Variants in CTNNA3 observed in about 807,000 individuals in gnomAD.
The protein encoded by CTNNA3 is catenin alpha-3.
Under a neutral mutation model 95.7 loss-of-function variants are expected in CTNNA3, and 76 were observed. The ratio of observed to expected loss-of-function variants is 0.79; its 90% CI spans 0.66 to 0.96. The LOEUF is 0.96. Among genes scored for constraint, CTNNA3 ranks in the 40% least tolerant of loss-of-function variants. The pLI, the probability that CTNNA3 is intolerant of heterozygous loss-of-function variation, is 0.00. For synonymous variants in CTNNA3, 431 were observed against 374.4 expected, an observed-to-expected ratio of 1.15 and a Z score of -1.74; for missense variants, 1,191 against 1,089.8, an observed-to-expected ratio of 1.09 and a Z score of -1.31.
intron 13 of CTNNA3, among the ~76,000 whole-genome samples, chr10:66,214,475 A>G (rs761284791): frequency 2.8e-4 from 42 of 152,190 alleles, no homozygotes; most frequent in Non-Finnish European, 5.0e-4. Flanking sequence ...TTACTTCATT[A>G]TATATAGATA....
chr10:66,447,877 G>T (rs1286570732), intron 11 of CTNNA3, among the ~76,000 whole-genome samples: 1 of 152,156 alleles, frequency 6.6e-6, no homozygotes, highest in Non-Finnish European at 1.5e-5. Flanking sequence ...GCTACCATCA[G>T]AGTGAACAGG....
At chr10:67,728,029 A>G (rs1184971651) in intron 1 of CTNNA3, among the ~76,000 whole-genome samples, 1 of 141,352 alleles carries the variant, frequency 7.1e-6, no homozygotes, top group Non-Finnish European at 1.5e-5. Flanking sequence ...TATATTATAT[A>G]TGATATATAA....
chr10:67,566,031 ATATGTG>A (rs1263422160), intron 3 of CTNNA3, among the ~76,000 whole-genome samples: 1 of 58,236 alleles, frequency 1.7e-5, no homozygotes, highest in African/African-American at 1.1e-4. Flanking sequence ...ACACACACAC[ATATGTG>A]TGTGTGTATA....
intron 7 of CTNNA3, among the ~76,000 whole-genome samples, chr10:67,028,436 C>T (rs1263571382): frequency 6.6e-6 from 1 of 151,586 alleles, no homozygotes; most frequent in Non-Finnish European, 1.5e-5. Flanking sequence ...GTTTGACAAT[C>T]AGTCTTTATT....
intron 5 of CTNNA3, among the ~76,000 whole-genome samples, chr10:67,362,543 C>G (rs1005307406): frequency 6.6e-6 from 1 of 152,042 alleles, no homozygotes; most frequent in Non-Finnish European, 1.5e-5. Context: ...TTAATAGATG[C>G]AAAAGAAGAT....
chr10:67,503,015 T>C (rs534764909), intron 5 of CTNNA3, among the ~76,000 whole-genome samples: 1 of 152,268 alleles, frequency 6.6e-6, no homozygotes, highest in South Asian at 2.1e-4. Context: ...CACTGGGGTA[T>C]GAAACAAAAT....
At chr10:67,237,429 G>A (rs369127305) in intron 5 of CTNNA3, among the ~76,000 whole-genome samples, 12 of 151,384 alleles carry the variant, frequency 7.9e-5, no homozygotes, top group East Asian at 5.9e-4. Context: ...TAAATATGGC[G>A]CAGTGTATAC....
chr10:66,044,270 CA>C (rs2079772579), intron 15 of CTNNA3, among the ~76,000 whole-genome samples: 1 of 152,188 alleles, frequency 6.6e-6, no homozygotes, highest in Non-Finnish European at 1.5e-5. Flanking sequence ...GGATTACAGG[CA>C]TGAGCCACTG....
At chr10:66,737,873 A>G (rs1278777201) in intron 9 of CTNNA3, among the ~76,000 whole-genome samples, 1 of 152,014 alleles carries the variant, frequency 6.6e-6, no homozygotes, top group Non-Finnish European at 1.5e-5. Flanking sequence ...TGGCCAGGAT[A>G]GTCTCGATCT....
intron 11 of CTNNA3, among the ~76,000 whole-genome samples, chr10:66,472,613 T>C (rs1839177513): frequency 6.6e-6 from 1 of 152,026 alleles, no homozygotes; most frequent in African/African-American, 2.4e-5. Context: ...ATAACAAAAT[T>C]GAGATAAAGT....
At chr10:67,207,214 ATTT>A in intron 6 of CTNNA3, among the ~76,000 whole-genome samples, 1 of 152,228 alleles carries the variant, frequency 6.6e-6, no homozygotes, top group East Asian at 1.9e-4. Context: ...GACAGATATA[ATTT>A]TTTAGTCATT....
chr10:66,650,680 G>A (rs1373961687), intron 9 of CTNNA3, among the ~76,000 whole-genome samples: 1 of 152,172 alleles, frequency 6.6e-6, no homozygotes, highest in Non-Finnish European at 1.5e-5. Flanking sequence ...GCTGGCTTCA[G>A]GAATGAAGCT....
At chr10:67,201,105 C>T (rs1338948213) in intron 6 of CTNNA3, among the ~76,000 whole-genome samples, 1 of 152,166 alleles carries the variant, frequency 6.6e-6, no homozygotes. Flanking sequence ...ACTGACTCAA[C>T]ACTCACATGA....
chr10:67,640,330 A>G (rs562591284), intron 2 of CTNNA3, among the ~76,000 whole-genome samples: 1 of 152,338 alleles, frequency 6.6e-6, no homozygotes, highest in Non-Finnish European at 1.5e-5. Context: ...GAGAACTACA[A>G]ACCACTGCTC....
At chr10:67,698,755 A>G (rs1410821867), upstream of CTNNA3, among the ~76,000 whole-genome samples, 3 of 152,058 alleles carry the variant, frequency 2.0e-5, no homozygotes, top group African/African-American at 7.2e-5. Flanking sequence ...TTTTTCAAAA[A>G]TATGTGATAA....
At chr10:66,059,845 C>T (rs2080159862) in intron 15 of CTNNA3, among the ~76,000 whole-genome samples, 1 of 152,060 alleles carries the variant, frequency 6.6e-6, no homozygotes, top group Non-Finnish European at 1.5e-5. Context: ...AGGGATGTCA[C>T]TTTGGCATAT....
intron 5 of CTNNA3, among the ~76,000 whole-genome samples, chr10:67,366,209 G>C (rs942693267): frequency 1.3e-5 from 2 of 152,122 alleles, no homozygotes; most frequent in Non-Finnish European, 2.9e-5. Context: ...GGCCTGTCGG[G>C]GGTTGGGGGG....
At chr10:66,772,999 G>C (rs1035666760) in intron 8 of CTNNA3, among the ~76,000 whole-genome samples, 5 of 152,222 alleles carry the variant, frequency 3.3e-5, no homozygotes, top group African/African-American at 1.2e-4. Flanking sequence ...TATGTGAGAT[G>C]CTTACAACAA....
intron 3 of CTNNA3, among the ~76,000 whole-genome samples, chr10:67,591,838 C>A (rs1470940890): frequency 6.6e-6 from 1 of 152,046 alleles, no homozygotes; most frequent in Admixed American, 6.6e-5. Flanking sequence ...GTGCTATAAA[C>A]CCCTAGCAGG....
Sources: gnomAD v4.1 joint callset for allele counts (sites outside exome capture counted in the v4.1 genomes callset) on GRCh38, gnomAD v4.1.1 for gene constraint, MANE v1.5 for transcripts, NCBI Gene and HGNC (gene_info 2026-07-23, HGNC 2026-07-21) for gene names.